Variants in CNTNAP2 observed in about 807,000 individuals in gnomAD.
The protein encoded by CNTNAP2 is contactin-associated protein-like 2.
CNTNAP2 carries 98 observed loss-of-function variants against 155.2 expected under a neutral mutation model. That is an observed-to-expected ratio of 0.63 (90% CI 0.54 to 0.75). CNTNAP2 has a LOEUF of 0.75. Among genes scored for constraint, CNTNAP2 ranks in the 30% least tolerant of loss-of-function variants. The probability of loss-of-function intolerance (pLI) is 0.00; values close to 1 mark genes in which losing one functional copy is unlikely to be tolerated. For missense variants in CNTNAP2, 1,727 were observed against 1,688.1 expected (o/e 1.02, Z -0.40); for synonymous variants, 651 against 631.2 (o/e 1.03, Z -0.47).
intron 2 of CNTNAP2, among the ~76,000 whole-genome samples, chr7:146,834,035 A>T (rs1168889557): frequency 1.3e-5 from 2 of 151,996 alleles, no homozygotes. Context: ...TTCAGCTGAT[A>T]CTTATTTCTC....
At chr7:146,846,241 G>A (rs1803838526) in intron 3 of CNTNAP2, among the ~76,000 whole-genome samples, 1 of 152,046 alleles carries the variant, frequency 6.6e-6, no homozygotes, top group African/African-American at 2.4e-5. Context: ...CTACATTCCT[G>A]CTGCCATCAG....
intron 3 of CNTNAP2, among the ~76,000 whole-genome samples, chr7:146,992,960 C>A (rs1798235760): frequency 6.6e-6 from 1 of 152,108 alleles, no homozygotes; most frequent in South Asian, 2.1e-4. Context: ...TCTGCTCACA[C>A]ATGTTTTAAG....
rs771490764 is a variant in CNTNAP2 at position 148,383,779 on chromosome 7, C to T, written c.3606C>T (p.His1202=). The T allele has an allele frequency of 5.0e-6, 8 of 1,614,098 alleles. No homozygotes were observed. The highest frequency in any genetic ancestry group is 3.3e-5 in the South Asian group (3 of 91,092). Reference sequence around the variant, plus strand: ...TGAGGCAGACAAACGCCTCGGCTCACGTCCACATCCAGGGCGAGCTGGTGG... The same window carrying T: ...TGAGGCAGACAAACGCCTCGGCTCATGTCCACATCCAGGGCGAGCTGGTGG... ...AALRQTNASA[H]VHIQGELVES... Residue 1202 remains histidine, a synonymous_variant, in exon 22 of 24, where the codon CAC becomes CAT. Transcript: ENST00000361727.
intron 11 of CNTNAP2, among the ~76,000 whole-genome samples, chr7:147,529,973 T>G (rs570766016): frequency 7.4e-4 from 113 of 152,186 alleles, no homozygotes; most frequent in Non-Finnish European, 1.3e-3. Flanking sequence ...TCAAGAAAGG[T>G]CCAGAATGTT....
intron 12 of CNTNAP2, among the ~76,000 whole-genome samples, chr7:147,601,483 T>C (rs911026652): frequency 3.3e-4 from 50 of 151,936 alleles, no homozygotes; most frequent in Admixed American, 1.3e-4. Context: ...AGTTAAGGAA[T>C]GAACAGGCCA....
At chr7:147,436,056 G>T (rs1210394068) in intron 10 of CNTNAP2, among the ~76,000 whole-genome samples, 5 of 152,086 alleles carry the variant, frequency 3.3e-5, no homozygotes, top group African/African-American at 4.8e-5. Flanking sequence ...AAACAACAAT[G>T]GTGCCAGAGT....
chr7:147,691,250 C>T (rs1285754069), intron 13 of CNTNAP2, among the ~76,000 whole-genome samples: 1 of 152,064 alleles, frequency 6.6e-6, no homozygotes, highest in Non-Finnish European at 1.5e-5. Flanking sequence ...TGACTGTAGG[C>T]ACAACACACT....
chr7:147,562,298 A>T (rs202079908), intron 12 of CNTNAP2, 41 bp downstream of exon 12: 1 of 1,611,548 alleles, frequency 6.2e-7, no homozygotes, highest in South Asian at 1.1e-5. Context: ...ATGCTTTTCT[A>T]TATGTCACGA....
chr7:148,252,290 C>T (rs981954821), intron 20 of CNTNAP2, among the ~76,000 whole-genome samples: 4 of 152,112 alleles, frequency 2.6e-5, no homozygotes, highest in East Asian at 1.9e-4. Flanking sequence ...CCAGACACAC[C>T]GACATGTGCT....
chr7:148,216,790 T>C (rs1490852649), intron 18 of CNTNAP2, among the ~76,000 whole-genome samples: 2 of 152,236 alleles, frequency 1.3e-5, no homozygotes, highest in Non-Finnish European at 2.9e-5. Flanking sequence ...CCCCTCATGT[T>C]GTGGAAGGGA....
intron 12 of CNTNAP2, among the ~76,000 whole-genome samples, chr7:147,608,210 GA>G (rs35636899): frequency 0.67 from 96,807 of 144,202 alleles, 31,947 homozygotes; most frequent in Admixed American, 0.72. Context: ...GTTCATCTCA[GA>G]AAAAAAAAAA....
intron 1 of CNTNAP2, among the ~76,000 whole-genome samples, chr7:146,581,234 A>G (rs570416703): frequency 6.2e-4 from 95 of 152,242 alleles, no homozygotes; most frequent in African/African-American, 2.2e-3. Flanking sequence ...ACTAAAATGT[A>G]TGTTTCCAGA....
intron 12 of CNTNAP2, among the ~76,000 whole-genome samples, chr7:147,565,434 G>A (rs1043011032): frequency 1.3e-5 from 2 of 152,100 alleles, no homozygotes; most frequent in Non-Finnish European, 2.9e-5. Context: ...TTTTAAGCAG[G>A]AAAATAAGAT....
Position 148,112,942 on chromosome 7 carries a change from G to A in CNTNAP2, c.2384-5176G>A, listed in dbSNP as rs547417714. ...TGTCTCTAAGGAATTGGGAAGGGGC[G>A]GGAAGCAGGGAACTGCTTTTTGCTT... On this transcript the variant is annotated intron_variant, in intron 15 of 23. Transcript: ENST00000361727. 1.3e-3 allele frequency among the ~76,000 whole-genome samples: 201 copies of A among 151,988 alleles called. 1 individual carries two copies. The highest frequency in any genetic ancestry group is 2.3e-3 in the South Asian group (11 of 4,808).
chr7:146,155,156 T>C (rs1259415374), intron 1 of CNTNAP2, among the ~76,000 whole-genome samples: 1 of 152,168 alleles, frequency 6.6e-6, no homozygotes, highest in Non-Finnish European at 1.5e-5. Flanking sequence ...TCCTATGTGG[T>C]CAGACTGGAA....
At chr7:146,755,531 T>C (rs986294328) in intron 1 of CNTNAP2, among the ~76,000 whole-genome samples, 1 of 152,034 alleles carries the variant, frequency 6.6e-6, no homozygotes, top group Admixed American at 6.6e-5. Context: ...CCAGGATAAC[T>C]TGTCAAGTGC....
chr7:147,572,015 C>T (rs566004941), intron 12 of CNTNAP2, among the ~76,000 whole-genome samples: 7 of 152,194 alleles, frequency 4.6e-5, no homozygotes, highest in African/African-American at 7.2e-5. Flanking sequence ...TCCTGCTTCA[C>T]GCATTCAGCT....
chr7:147,897,269 T>C (rs931453035), intron 13 of CNTNAP2, among the ~76,000 whole-genome samples: 3 of 152,214 alleles, frequency 2.0e-5, no homozygotes, highest in Admixed American at 1.3e-4. Context: ...AACACAGTGT[T>C]AGGTTGTTTC....
At chr7:147,370,941 A>G (rs1376200172) in intron 9 of CNTNAP2, among the ~76,000 whole-genome samples, 1 of 152,122 alleles carries the variant, frequency 6.6e-6, no homozygotes, top group Non-Finnish European at 1.5e-5. Flanking sequence ...TTTTTCTGGG[A>G]ACATTGCTTA....
Sources: gnomAD v4.1 joint callset for allele counts (sites outside exome capture counted in the v4.1 genomes callset) on GRCh38, gnomAD v4.1.1 for gene constraint, MANE v1.5 for transcripts, NCBI Gene and HGNC (gene_info 2026-07-23, HGNC 2026-07-21) for gene names.